The following MYLK variants were observed in gnomAD, a reference collection of about 807,000 sequenced individuals.
The protein encoded by MYLK is myosin light chain kinase, also known as myosin light chain kinase, smooth muscle.
MYLK carries 106 observed loss-of-function variants against 203.4 expected under a neutral mutation model. That is an observed-to-expected ratio of 0.52 (90% confidence interval 0.45 to 0.61). The LOEUF is 0.61. Ranked by LOEUF, MYLK falls within the 20% of genes least tolerant of loss-of-function variation. MYLK has a pLI of 0.00. For synonymous variants in MYLK, 867 were observed against 959.5 expected (o/e 0.90, Z 1.78); for missense variants, 2,072 against 2,442.3 (o/e 0.85, Z 3.20).
chr3:123,669,015 G>A (rs984677299), intron 20 of MYLK, among the ~76,000 whole-genome samples: 1 of 152,186 alleles, frequency 6.6e-6, no homozygotes, highest in East Asian at 1.9e-4. Flanking sequence ...AAGGGGAAGC[G>A]GTGTCATTGG....
chr3:123,664,304 G>A, intron 22 of MYLK, 46 bp from the exon 23 acceptor site: 1 of 1,613,588 alleles, frequency 6.2e-7, no homozygotes, highest in Non-Finnish European at 8.5e-7. Context: ...GGGCCCCTGG[G>A]CTAGGAAAGG....
intron 1 of MYLK, among the ~76,000 whole-genome samples, chr3:123,880,644 A>C (rs1435662777): frequency 5.6e-5 from 8 of 142,678 alleles, no homozygotes; most frequent in Non-Finnish European, 1.2e-4. Flanking sequence ...GGATGGGGAC[A>C]ACGTGGGAAA....
intron 5 of MYLK, among the ~76,000 whole-genome samples, chr3:123,748,378 C>T (rs556326059): frequency 2.6e-5 from 4 of 152,212 alleles, no homozygotes; most frequent in African/African-American, 9.6e-5. Flanking sequence ...TTGGAAGGAA[C>T]AAACATCCAA....
At chr3:123,705,047 G>C (rs2061407385) in intron 16 of MYLK, among the ~76,000 whole-genome samples, 1 of 152,194 alleles carries the variant, frequency 6.6e-6, no homozygotes, top group Non-Finnish European at 1.5e-5. Flanking sequence ...GAGCTAGGAA[G>C]GGAAGAGAGG....
At chr3:123,623,283 C>T (rs1190495150) in intron 31 of MYLK, 4 of 152,146 alleles carry the variant, frequency 2.6e-5, no homozygotes, top group African/African-American at 9.7e-5. Flanking sequence ...CTGCTGGGGT[C>T]TTTATGGTTC....
chr3:123,614,225 A>C lies in MYLK; in HGVS notation c.5625T>G (p.Asp1875Glu), dbSNP rs368993888. The change falls in exon 34 of 34, where the codon GAT becomes GAG. Residue 1875 changes from aspartate to glutamate, a missense_variant. Physicochemically the swap from Asp to Glu is conservative, Grantham distance 45 (BLOSUM62 2). Coordinates refer to ENST00000360304, the MANE Select transcript of MYLK (RefSeq NM_053025.4). The part of the protein sequence containing the change: ...CSLIISDVCG[D>E]DDAKYTCKAV... Reference sequence around the variant, plus strand: ...CCTTGCAGGTGTACTTGGCATCGTCATCCCCGCAAACATCACTAATAATTA... The same window carrying C: ...CCTTGCAGGTGTACTTGGCATCGTCCTCCCCGCAAACATCACTAATAATTA... The C allele has an allele frequency of 1.9e-6, 3 of 1,613,918 alleles. No homozygotes were observed. The African/African-American group carries it at 4.0e-5, about 22-fold the overall frequency.
At chr3:123,742,952 G>T (rs1488404491) in intron 5 of MYLK, among the ~76,000 whole-genome samples, 2 of 152,164 alleles carry the variant, frequency 1.3e-5, no homozygotes, top group Admixed American at 6.5e-5. Flanking sequence ...GTTAGTAGTT[G>T]CCAGGAGCTG....
At chr3:123,626,643 C>T (rs1323183865) in intron 31 of MYLK, among the ~76,000 whole-genome samples, 175 bp downstream of exon 31, 2 of 152,172 alleles carry the variant, frequency 1.3e-5, no homozygotes, top group South Asian at 2.1e-4. Context: ...GGACTCTGCA[C>T]TCAGGACTAA....
intron 18 of MYLK, among the ~76,000 whole-genome samples, chr3:123,696,686 C>A (rs1376831037): frequency 1.3e-5 from 2 of 152,182 alleles, no homozygotes; most frequent in African/African-American, 4.8e-5. Flanking sequence ...CATTCCCTGA[C>A]TGTGGTTGTG....
At chr3:123,641,565 G>T (rs1173713661) in intron 27 of MYLK, among the ~76,000 whole-genome samples, 1 of 151,706 alleles carries the variant, frequency 6.6e-6, no homozygotes, top group Admixed American at 6.6e-5. Context: ...AAGGAAGGAG[G>T]AGGGGAGGGG....
chr3:123,768,826 G>T (rs1017341549), intron 4 of MYLK, among the ~76,000 whole-genome samples: 3 of 152,184 alleles, frequency 2.0e-5, no homozygotes, highest in Non-Finnish European at 4.4e-5. Flanking sequence ...GAACAGGATA[G>T]GGGCCTTAGA....
chr3:123,847,105 T>C (rs1048362051), intron 2 of MYLK, among the ~76,000 whole-genome samples: 2 of 152,114 alleles, frequency 1.3e-5, no homozygotes, highest in Admixed American at 6.6e-5. Context: ...ATAAAAATAA[T>C]ACAAATAAAA....
intron 16 of MYLK, among the ~76,000 whole-genome samples, chr3:123,707,234 T>A (rs2061495502): frequency 1.3e-5 from 2 of 152,198 alleles, no homozygotes; most frequent in African/African-American, 4.8e-5. Context: ...CCTGCCACAG[T>A]CACGGGAGTG....
intron 20 of MYLK, among the ~76,000 whole-genome samples, chr3:123,675,105 A>T (rs1268499924): frequency 2.6e-5 from 4 of 152,264 alleles, no homozygotes; most frequent in Admixed American, 6.5e-5. Flanking sequence ...ATGCTGAGAA[A>T]TATAGCCCTG....
At chr3:123,757,696 T>C (rs537010416) in intron 4 of MYLK, among the ~76,000 whole-genome samples, 1 of 152,230 alleles carries the variant, frequency 6.6e-6, no homozygotes, top group South Asian at 2.1e-4. Flanking sequence ...GAGTATTTAC[T>C]TGATTGTTAA....
chr3:123,684,069 T>G (rs533658450), intron 19 of MYLK, among the ~76,000 whole-genome samples: 2 of 152,268 alleles, frequency 1.3e-5, no homozygotes, highest in East Asian at 3.9e-4. Context: ...ATGATTTCAT[T>G]TTCTTACACT....
At chr3:123,695,451 G>A (rs535818556) in intron 18 of MYLK, among the ~76,000 whole-genome samples, 1 of 152,242 alleles carries the variant, frequency 6.6e-6, no homozygotes, top group East Asian at 1.9e-4. Flanking sequence ...ATTCTGAGAA[G>A]GATGAAGGCA....
chr3:123,743,093 C>G (rs1308699174), intron 5 of MYLK, among the ~76,000 whole-genome samples: 1 of 152,092 alleles, frequency 6.6e-6, no homozygotes, highest in African/African-American at 2.4e-5. Context: ...CAATTGTACA[C>G]TTTAAAATGG....
intron 4 of MYLK, among the ~76,000 whole-genome samples, chr3:123,790,159 C>A (rs1391218372): frequency 2.6e-5 from 4 of 152,212 alleles, no homozygotes; most frequent in Non-Finnish European, 5.9e-5. Flanking sequence ...TGGTTTTAAT[C>A]TGGCTGCCCA....
Sources: allele counts gnomAD v4.1 joint callset (sites outside exome capture counted in the v4.1 genomes callset), GRCh38; gene constraint gnomAD v4.1.1; transcripts MANE v1.5; gene names NCBI Gene and HGNC (gene_info 2026-07-23, HGNC 2026-07-21).